The following STIM2 variants were observed in gnomAD, a reference collection of about 807,000 sequenced individuals.
STIM2 encodes the protein stromal interaction molecule 2.
STIM2 carries 31 observed loss-of-function variants against 85.8 expected under a neutral mutation model. The ratio of observed to expected loss-of-function variants is 0.36; its 90% confidence interval spans 0.27 to 0.49. The LOEUF (loss-of-function observed/expected upper bound fraction) is 0.49, where lower values mean the gene tolerates loss of function less well. STIM2 is among the 20% of genes least tolerant of loss of function. The pLI is 0.98. For synonymous variants in STIM2, 356 were observed against 331.1 expected (o/e 1.08, Z -0.82); for missense variants, 841 against 927.6 (o/e 0.91, Z 1.21).
In STIM2 at chr4:26,860,915, A is replaced by AC. The variant is rs1380275093; in HGVS notation, c.-298dup. On this transcript the variant is annotated 5_prime_UTR_variant, in exon 1 of 12. Transcript: ENST00000467087. ...CCGCCTGAAGACGCCGTACCTTTCT[A>AC]CCCCCCACCTTTTTTTTTTTTTTTT... The AC allele has an allele frequency of 7.2e-5, 74 of 1,026,980 alleles. No individual in the cohort carries two copies. Among genetic ancestry groups the AC allele is most frequent in the Non-Finnish European group, 8.6e-5 (73 of 849,258 alleles). The allele number at this position is 1,026,980 out of a possible 1,614,324, so 63.6% of individuals were successfully genotyped here.
At chr4:26,870,041 T>C (rs1577405217) in intron 1 of STIM2, among the ~76,000 whole-genome samples, 1 of 151,972 alleles carries the variant, frequency 6.6e-6, no homozygotes, top group African/African-American at 2.4e-5. Flanking sequence ...TTATGCTAAG[T>C]GAAGTAACGC....
At chr4:27,016,242 A>AT (rs1480387373) in intron 10 of STIM2, among the ~76,000 whole-genome samples, 1 of 152,010 alleles carries the variant, frequency 6.6e-6, no homozygotes, top group African/African-American at 2.4e-5. Context: ...AAAAATCCCT[A>AT]TTTTTTAGTT....
chr4:26,885,661 G>C (rs1017171132), intron 1 of STIM2, among the ~76,000 whole-genome samples: 3 of 151,290 alleles, frequency 2.0e-5, no homozygotes, highest in African/African-American at 7.3e-5. Context: ...ATTTTTTCAG[G>C]TTTATGTTTT....
intron 1 of STIM2, among the ~76,000 whole-genome samples, chr4:26,898,917 A>G (rs1354185724): frequency 1.3e-5 from 2 of 151,948 alleles, no homozygotes; most frequent in Non-Finnish European, 2.9e-5. Context: ...TGTTAATTTT[A>G]TTTCTAGATT....
intron 4 of STIM2, among the ~76,000 whole-genome samples, chr4:26,998,908 T>A (rs1728052737): frequency 4.1e-5 from 1 of 24,172 alleles, no homozygotes; most frequent in Non-Finnish European, 8.7e-5. Flanking sequence ...TGAGACTCTG[T>A]CTCAAAAAAA....
chr4:27,022,166 TAGAA>T (rs1191891421), intron 11 of STIM2, among the ~76,000 whole-genome samples: 2 of 152,162 alleles, frequency 1.3e-5, no homozygotes, highest in Admixed American at 6.5e-5. Flanking sequence ...AACTCTGATT[TAGAA>T]AGAAAAATAG....
intron 3 of STIM2, among the ~76,000 whole-genome samples, chr4:26,961,893 G>A (rs748967098): frequency 9.2e-5 from 14 of 152,018 alleles, no homozygotes; most frequent in Non-Finnish European, 1.8e-4. Context: ...TTGAGGCTAC[G>A]GGCGTATACC....
chr4:26,884,929 T>C (rs1014528016), intron 1 of STIM2, among the ~76,000 whole-genome samples: 7 of 152,242 alleles, frequency 4.6e-5, no homozygotes, highest in South Asian at 2.1e-4. Flanking sequence ...CCTTAACCAG[T>C]ACTCTTGCCT....
chr4:26,930,740 T>C (rs1040683038), intron 2 of STIM2, among the ~76,000 whole-genome samples: 34 of 152,182 alleles, frequency 2.2e-4, no homozygotes, highest in Non-Finnish European at 4.1e-4. Context: ...AATTGAACAG[T>C]GTGTTTTGAA....
chr4:26,878,168 A>G (rs1034470435), intron 1 of STIM2, among the ~76,000 whole-genome samples: 2 of 152,110 alleles, frequency 1.3e-5, no homozygotes, highest in African/African-American at 4.8e-5. Context: ...ATTCTTTTTT[A>G]TATGTGCTAG....
intron 3 of STIM2, among the ~76,000 whole-genome samples, chr4:26,970,750 A>G (rs1361050886): frequency 6.6e-6 from 1 of 152,190 alleles, no homozygotes; most frequent in African/African-American, 2.4e-5. Context: ...TCCTTTGGGT[A>G]TATACCCAGT....
chr4:27,007,858 T>C (rs1462631935), intron 8 of STIM2, 158 bp downstream of exon 8: 1 of 806,070 alleles, frequency 1.2e-6, no homozygotes, highest in Non-Finnish European at 2.0e-6. Flanking sequence ...CTAGTAATCA[T>C]AAGCTTTAAA....
At chr4:27,011,547 G>T (rs984078002) in intron 10 of STIM2, among the ~76,000 whole-genome samples, 3 of 152,100 alleles carry the variant, frequency 2.0e-5, no homozygotes, top group African/African-American at 7.2e-5. Context: ...TTGTCAAGTT[G>T]CTCTCAAAAT....
At chr4:26,888,689 C>T (rs1485856937) in intron 1 of STIM2, among the ~76,000 whole-genome samples, 1 of 152,156 alleles carries the variant, frequency 6.6e-6, no homozygotes, top group Non-Finnish European at 1.5e-5. Flanking sequence ...TCTGGGCATA[C>T]CCAATTTAAG....
intron 1 of STIM2, among the ~76,000 whole-genome samples, chr4:26,902,186 A>G (rs192640822): frequency 6.6e-6 from 1 of 152,298 alleles, no homozygotes; most frequent in Non-Finnish European, 1.5e-5. Flanking sequence ...TAGGGAGACC[A>G]TTACAGGAAC....
At chr4:26,880,929 A>G (rs1380361275) in intron 1 of STIM2, among the ~76,000 whole-genome samples, 8 of 151,972 alleles carry the variant, frequency 5.3e-5, no homozygotes, top group Non-Finnish European at 1.0e-4. Flanking sequence ...GCAAGTGTAG[A>G]CAAGAGAATA....
At chr4:26,963,429 T>C (rs1439960376) in intron 3 of STIM2, among the ~76,000 whole-genome samples, 1 of 149,096 alleles carries the variant, frequency 6.7e-6, no homozygotes, top group Non-Finnish European at 1.5e-5. Flanking sequence ...TTGTTTAGCA[T>C]TATCAGAAGA....
intron 3 of STIM2, among the ~76,000 whole-genome samples, chr4:26,983,417 G>C (rs955866591): frequency 6.6e-6 from 1 of 152,188 alleles, no homozygotes; most frequent in African/African-American, 2.4e-5. Context: ...ATGTATACCA[G>C]CTGAAGGCCA....
At chr4:26,976,831 G>C (rs931032235) in intron 3 of STIM2, among the ~76,000 whole-genome samples, 1 of 152,092 alleles carries the variant, frequency 6.6e-6, no homozygotes, top group African/African-American at 2.4e-5. Context: ...TATTTTTCCT[G>C]TGAGACAGGA....
Sources: gnomAD v4.1 joint callset for allele counts (sites outside exome capture counted in the v4.1 genomes callset) on GRCh38, gnomAD v4.1.1 for gene constraint, MANE v1.5 for transcripts, NCBI Gene and HGNC (gene_info 2026-07-23, HGNC 2026-07-21) for gene names.